ANKK1: variants seen among roughly 807,000 people sequenced by gnomAD.
The protein encoded by ANKK1 is ankyrin repeat and protein kinase domain-containing protein 1.
In ANKK1, 37 loss-of-function variants were observed where a neutral mutation model predicts 37.6. The observed-to-expected ratio is 0.98, with a 90% confidence interval of 0.76 to 1.29. The LOEUF (loss-of-function observed/expected upper bound fraction) is 1.29. Among genes scored for constraint, ANKK1 ranks in the 50% most tolerant of loss-of-function variants. The pLI, the probability that ANKK1 is intolerant of heterozygous loss-of-function variation, is 0.00. For synonymous variants in ANKK1, 415 were observed against 418.7 expected (o/e 0.99, Z 0.11); for missense variants, 1,019 against 990.6 (o/e 1.03, Z -0.39).
In ANKK1 at chr11:113,399,651, A is replaced by G. The variant is rs1384929498; in HGVS notation, c.1682A>G (p.Tyr561Cys). The G allele has an allele frequency of 7.5e-6, 12 of 1,604,562 alleles. No individual in the cohort carries two copies. Among genetic ancestry groups the G allele is most frequent in the Non-Finnish European group, 1.0e-5 (12 of 1,175,788 alleles). Residue 561 changes from tyrosine to cysteine, a missense_variant, in exon 8 of 8, where the codon TAC (tyrosine) becomes TGC (cysteine). Physicochemically the swap from Tyr to Cys is radical, Grantham distance 194 (BLOSUM62 -2). Coordinates refer to ENST00000303941, the MANE Select transcript of ANKK1 (RefSeq NM_178510.2). The part of the protein sequence containing the change: ...AVPDALDQSG[Y>C]GPLHTAAARG... ...CCTGATGCCCTTGACCAGAGCGGCTACGGCCCACTGCACACTGCAGCTGCC... is the reference window on the plus strand; with the variant it reads ...CCTGATGCCCTTGACCAGAGCGGCTGCGGCCCACTGCACACTGCAGCTGCC...
chr11:113,395,494 TG>T (rs957105111), intron 4 of ANKK1, 86 bp downstream of exon 4: 279 of 1,419,596 alleles, frequency 2.0e-4, no homozygotes, highest in Admixed American at 4.6e-4. Flanking sequence ...GACTGAGGGT[TG>T]GGGGGGGTCA....
intron 3 of ANKK1, 138 bp downstream of exon 3, chr11:113,395,218 G>A: frequency 6.7e-7 from 1 of 1,489,734 alleles, no homozygotes; most frequent in Non-Finnish European, 9.1e-7. Flanking sequence ...TGGCTGGAGA[G>A]GCAGAGGGCT....
Position 113,395,415 on chromosome 11 carries a change from A to C in ANKK1, c.682+7A>C. On this transcript the variant is annotated splice_region_variant and intron_variant, in intron 4 of 7. Coordinates refer to ENST00000303941, the MANE Select transcript of ANKK1 (RefSeq NM_178510.2). ...CAGAAGAAACCATACTCAGGTAAGC[A>C]GGCGGCTGTGGCTCTGTGTTGGGGG... The C allele has an allele frequency of 6.2e-7, 1 of 1,613,808 alleles. No homozygotes were observed.
rs375875018 is a variant in ANKK1 at position 113,400,282 on chromosome 11, C to T, written c.*15C>T. 4.9e-5 allele frequency: 75 copies of T among 1,526,028 alleles called. No homozygotes were observed. The highest frequency in any genetic ancestry group is 5.8e-5 in the Non-Finnish European group (66 of 1,132,840). The allele number at this position is 1,526,028 out of a possible 1,614,324, so 94.5% of individuals were successfully genotyped here. On this transcript the variant is annotated 3_prime_UTR_variant, in exon 8 of 8. Transcript: ENST00000303941. ...TGGAAATTTAGACAACTTGGCCAGC[C>T]GTGGTGGCTCACGTCTGTAATCCCA...
At chr11:113,397,376 T>A in intron 6 of ANKK1, 34 bp downstream of exon 6, 3 of 1,571,972 alleles carry the variant, frequency 1.9e-6, no homozygotes, top group Non-Finnish European at 2.6e-6. Flanking sequence ...CTTATGGTCA[T>A]GCTAAGCTGG....
At chr11:113,388,578 A>G (rs1950564881) in intron 1 of ANKK1, among the ~76,000 whole-genome samples, 1 of 152,196 alleles carries the variant, frequency 6.6e-6, no homozygotes, top group Non-Finnish European at 1.5e-5. Context: ...CAATCAGTGC[A>G]GGCTGAGGAG....
chr11:113,396,262 G>C, intron 5 of ANKK1, 40 bp downstream of exon 5: 2 of 1,606,658 alleles, frequency 1.2e-6, no homozygotes, highest in Non-Finnish European at 1.7e-6. Flanking sequence ...CTGGGAGCTG[G>C]GTGGGGCCGG....
Position 113,393,782 on chromosome 11 carries a change from GC to G in ANKK1, c.480+8del. 6 of 1,592,646 alleles carry G rather than the reference GC, an allele frequency of 3.8e-6. No individual in the cohort carries two copies. Among genetic ancestry groups the G allele is most frequent in the Non-Finnish European group, 5.1e-6 (6 of 1,171,226 alleles). ...CAGCAACATGCATGTCAAAGTAAGG[GC>G]TCTGGCCAATCCTCCGCTCCCTTTC... On this transcript the variant is annotated splice_region_variant and intron_variant, in intron 2 of 7. Coordinates refer to ENST00000303941, the MANE Select transcript of ANKK1 (RefSeq NM_178510.2).
chr11:113,399,547 C>T lies in ANKK1; in HGVS notation c.1578C>T (p.Asn526=), dbSNP rs773748715. The change falls in exon 8 of 8, where the codon AAC becomes AAT. Residue 526 remains asparagine (N), a synonymous_variant. Transcript: ENST00000303941. Reference sequence around the variant, plus strand: ...CTGAGTTGGATGCTCAGCAGAGAAACCTGAGAACACCACTGCACCTGGCAG... The same window carrying T: ...CTGAGTTGGATGCTCAGCAGAGAAATCTGAGAACACCACTGCACCTGGCAG... ...QGAELDAQQR[N]LRTPLHLAVE... 1 of 1,600,562 alleles carries T rather than the reference C, an allele frequency of 6.2e-7. No homozygotes were observed. The highest frequency in any genetic ancestry group is 2.3e-5 in the East Asian group (1 of 44,218).
chr11:113,392,118 G>A (rs1950591648), intron 1 of ANKK1, among the ~76,000 whole-genome samples: 1 of 152,174 alleles, frequency 6.6e-6, no homozygotes, highest in African/African-American at 2.4e-5. Context: ...AGACTTCTGG[G>A]TAGGAAGCTA....
At chr11:113,395,142 C>A in intron 3 of ANKK1, 62 bp downstream of exon 3, 1 of 1,542,244 alleles carries the variant, frequency 6.5e-7, no homozygotes, top group Non-Finnish European at 8.8e-7. Flanking sequence ...CACCACCCTG[C>A]CTGGCCTCTA....
intron 2 of ANKK1, chr11:113,394,644 G>A: frequency 1.8e-6 from 1 of 566,476 alleles, no homozygotes; most frequent in East Asian, 4.1e-5. Flanking sequence ...GCCAGGCACT[G>A]TTTAAGTGCT....
rs1299989648 is a variant in ANKK1, at chr11:113,398,418, AT to A, written c.994+404del. 5.9e-5 allele frequency among the ~76,000 whole-genome samples: 9 copies of A among 151,880 alleles called. No individual in the cohort carries two copies. The East Asian group carries it at 1.3e-3, about 23-fold the overall frequency. Reference sequence around the variant, plus strand: ...GGTAGTGATCATTTTTGTCATTTTAATTCTCATACTCCACTGGGTAGAGCAG... The same window carrying A: ...GGTAGTGATCATTTTTGTCATTTTAATCTCATACTCCACTGGGTAGAGCAG... On this transcript the variant is annotated intron_variant, in intron 7 of 7. Coordinates refer to ENST00000303941, the MANE Select transcript of ANKK1 (RefSeq NM_178510.2).
At chr11:113,395,249 A>G in intron 3 of ANKK1, 110 bp from the exon 4 acceptor site, 2 of 1,521,432 alleles carry the variant, frequency 1.3e-6, no homozygotes, top group African/African-American at 1.4e-5. Flanking sequence ...TTGGCCGGTG[A>G]GGCTTGCCTG....
chr11:113,397,425 CTG>C, intron 6 of ANKK1, 83 bp downstream of exon 6: 1 of 1,206,692 alleles, frequency 8.3e-7, no homozygotes, highest in Non-Finnish European at 1.2e-6. Flanking sequence ...TGGCCAGACA[CTG>C]AGCACTCATG....
Position 113,395,500 on chromosome 11 carries a change from G to C in ANKK1, c.682+92G>C, listed in dbSNP as rs181290878. The C allele has an allele frequency of 6.8e-4, 937 of 1,386,740 alleles. 7 individuals are homozygous for C. In the African/African-American group the frequency reaches 0.011, roughly 16 times the overall value. The allele number at this position is 1,386,740 out of a possible 1,614,324, so 85.9% of individuals were successfully genotyped here. A position where few individuals can be genotyped will look rare whatever the true frequency, so the allele number is the denominator to read the frequency against. ...CTGTGGGAGGACTGAGGGTTGGGGG[G>C]GGTCAAGTTGCAGGTTTGTGTGGAA... On this transcript the variant is annotated intron_variant, in intron 4 of 7. Coordinates refer to ENST00000303941, the MANE Select transcript of ANKK1 (RefSeq NM_178510.2).
In ANKK1 at chr11:113,397,232, A is replaced by G. The variant is rs1322037567; in HGVS notation, c.847A>G (p.Ile283Val). 4 of 1,607,936 alleles carry G rather than the reference A, an allele frequency of 2.5e-6. No individual in the cohort carries two copies. Among genetic ancestry groups the G allele is most frequent in the Non-Finnish European group, 3.4e-6 (4 of 1,179,746 alleles). ...KKRPCFLDIT[I>V]ETDILLSLLQ... is the part of the protein sequence containing the mutation. ...TCCCACTCATGGAGCAGACATTACCATCGAGACAGACATACTGCTGTCACT... is the reference window on the plus strand; with the variant it reads ...TCCCACTCATGGAGCAGACATTACCGTCGAGACAGACATACTGCTGTCACT... The change falls in exon 6 of 8, where the codon ATC becomes GTC. Residue 283 changes from isoleucine to valine, a missense_variant. Ile to Val is a conservative substitution (Grantham distance 29, BLOSUM62 3). Transcript: ENST00000303941.
intron 2 of ANKK1, 88 bp from the exon 3 acceptor site, chr11:113,394,841 G>T: frequency 6.5e-7 from 1 of 1,534,158 alleles, no homozygotes; most frequent in Non-Finnish European, 8.9e-7. Context: ...CCTGGAACAG[G>T]CAGATAGCAG....
At chr11:113,396,041 C>T (rs772999561) in intron 4 of ANKK1, 26 bp from the exon 5 acceptor site, 2 of 1,611,678 alleles carry the variant, frequency 1.2e-6, no homozygotes, top group Admixed American at 1.7e-5. Context: ...TCTCAGCACC[C>T]ACATAGCCTG....
Sources: gnomAD v4.1 joint callset for allele counts (sites outside exome capture counted in the v4.1 genomes callset) on GRCh38, gnomAD v4.1.1 for gene constraint, MANE v1.5 for transcripts, NCBI Gene and HGNC (gene_info 2026-07-23, HGNC 2026-07-21) for gene names.